The following IGF1 variants were observed in gnomAD, a reference collection of about 807,000 sequenced individuals.
IGF1 encodes insulin like growth factor 1.
In IGF1, 4 loss-of-function variants were observed where a neutral mutation model predicts 13.8. The observed-to-expected ratio is 0.29, with a 90% CI of 0.14 to 0.66. IGF1 has a LOEUF of 0.66. Ranked by LOEUF, IGF1 falls within the 30% of genes least tolerant of loss-of-function variation. IGF1 has a pLI of 0.78. For missense variants in IGF1, 124 were observed against 188.5 expected (o/e 0.66, Z 2.00); for synonymous variants, 76 against 72.6 (o/e 1.05, Z -0.23).
At chr12:102,480,208 C>G (rs1002243539) in intron 1 of IGF1, 111 bp downstream of exon 1, 12 of 1,032,750 alleles carry the variant, frequency 1.2e-5, no homozygotes, top group African/African-American at 9.5e-5. Context: ...AAATAACTCT[C>G]GGTTCCGAAA....
At chr12:102,428,097 A>G (rs1165232214) in intron 2 of IGF1, among the ~76,000 whole-genome samples, 1 of 151,680 alleles carries the variant, frequency 6.6e-6, no homozygotes, top group Non-Finnish European at 1.5e-5. Flanking sequence ...GTGTGGATGC[A>G]CAAGTCACCC....
At chr12:102,436,220 CTG>C (rs1877210520) in intron 2 of IGF1, among the ~76,000 whole-genome samples, 2 of 152,188 alleles carry the variant, frequency 1.3e-5, no homozygotes, top group South Asian at 4.1e-4. Context: ...TTTGCACAGT[CTG>C]TGTCCTTTTG....
intron 3 of IGF1, chr12:102,417,827 T>C (rs1303300041): frequency 1.2e-6 from 2 of 1,613,644 alleles, no homozygotes; most frequent in Admixed American, 1.7e-5. Flanking sequence ...TTCATTTTCC[T>C]TTTTTGCCTC....
chr12:102,407,094 C>A (rs1219035924), intron 3 of IGF1, among the ~76,000 whole-genome samples: 4 of 100,982 alleles, frequency 4.0e-5, no homozygotes, highest in African/African-American at 1.3e-4. Flanking sequence ...ACTCTGTCTC[C>A]AAAAAAAAAA....
chr12:102,461,385 C>T (rs1198994058), intron 2 of IGF1, among the ~76,000 whole-genome samples: 2 of 152,128 alleles, frequency 1.3e-5, no homozygotes, highest in Admixed American at 1.3e-4. Flanking sequence ...TGATAGGTGA[C>T]CAAAATAGAC....
At chr12:102,443,311 G>C (rs1878026243) in intron 2 of IGF1, among the ~76,000 whole-genome samples, 1 of 152,096 alleles carries the variant, frequency 6.6e-6, no homozygotes, top group Non-Finnish European at 1.5e-5. Flanking sequence ...TTCATTAAAA[G>C]ACAACCAAAA....
At chr12:102,403,802 C>T (rs1873894563) in intron 3 of IGF1, among the ~76,000 whole-genome samples, 1 of 151,834 alleles carries the variant, frequency 6.6e-6, no homozygotes, top group South Asian at 2.1e-4. Context: ...GAATAGAAGC[C>T]CTGTGAGACC....
At chr12:102,405,426 G>A (rs1197659066) in intron 3 of IGF1, among the ~76,000 whole-genome samples, 1 of 151,976 alleles carries the variant, frequency 6.6e-6, no homozygotes, top group Admixed American at 6.6e-5. Context: ...AGAAAAATGA[G>A]AGAAGGACAC....
At chr12:102,451,269 GA>G (rs1163081678) in intron 2 of IGF1, among the ~76,000 whole-genome samples, 1 of 152,204 alleles carries the variant, frequency 6.6e-6, no homozygotes, top group Non-Finnish European at 1.5e-5. Context: ...GATCTTCAAG[GA>G]TAAGAGAGTA....
chr12:102,423,272 A>G (rs916012997), intron 2 of IGF1: 8 of 150,210 alleles, frequency 5.3e-5, no homozygotes, highest in African/African-American at 1.7e-4. Flanking sequence ...AAAAAAAAAA[A>G]AAAAAAAAAA....
chr12:102,431,722 G>T (rs1491001219), intron 2 of IGF1, among the ~76,000 whole-genome samples: 1 of 152,146 alleles, frequency 6.6e-6, no homozygotes, highest in Non-Finnish European at 1.5e-5. Flanking sequence ...TAATATCAAT[G>T]AAGAATATGG....
Position 102,401,687 on chromosome 12 carries a change from T to C in IGF1, c.*820A>G, listed in dbSNP as rs1873693155. On this transcript the variant is annotated 3_prime_UTR_variant, in exon 4 of 4. Transcript: ENST00000337514. ...TGCTAAATTTACATAGTGCTCTATATGGAAAAAATAAAAAGAGGAAAGTTA... is the reference window on the plus strand; with the variant it reads ...TGCTAAATTTACATAGTGCTCTATACGGAAAAAATAAAAAGAGGAAAGTTA... The C allele has an allele frequency of 6.6e-6, 1 of 152,640 alleles. No individual in the cohort carries two copies. The highest frequency in any genetic ancestry group is 6.5e-5 in the Admixed American group (1 of 15,280). 9.5% of individuals were successfully genotyped at this position (152,640 alleles called of 1,614,324 possible).
chr12:102,419,418 A>C (rs1592752547), intron 3 of IGF1, 91 bp downstream of exon 3: 3 of 1,267,928 alleles, frequency 2.4e-6, no homozygotes, highest in Non-Finnish European at 3.3e-6. Flanking sequence ...GTAAGCCAGG[A>C]GACTATGGGG....
chr12:102,443,944 C>T lies in IGF1; in HGVS notation c.221-24254G>A, dbSNP rs547816816. On this transcript the variant is annotated intron_variant, in intron 2 of 3. Transcript: ENST00000337514. ...CGGGGTTCAAGTGATTCTCCTGCCT[C>T]AACCTCCTAAATAGCTGAGATTACA... Among the ~76,000 whole-genome samples, 302 of 152,156 alleles carry T rather than the reference C, an allele frequency of 2.0e-3. 4 individuals are homozygous for T. Among genetic ancestry groups the T allele is most frequent in the Admixed American group, 3.9e-3 (59 of 15,294 alleles).
chr12:102,420,291 C>T (rs961311663), intron 2 of IGF1, among the ~76,000 whole-genome samples: 3 of 152,154 alleles, frequency 2.0e-5, no homozygotes, highest in African/African-American at 7.2e-5. Context: ...TGCTGCAAAG[C>T]CCAAGTGCCT....
upstream of IGF1, among the ~76,000 whole-genome samples, chr12:102,480,976 A>T (rs894169535): frequency 4.6e-5 from 7 of 152,194 alleles, no homozygotes; most frequent in African/African-American, 1.7e-4. Flanking sequence ...GAAAGAAAGG[A>T]CGATAAGACC....
intron 2 of IGF1, among the ~76,000 whole-genome samples, chr12:102,429,440 T>C (rs902165812): frequency 9.2e-5 from 14 of 152,188 alleles, no homozygotes; most frequent in Non-Finnish European, 1.8e-4. Flanking sequence ...GCCTGTTTTT[T>C]AGCCATTGCA....
intron 3 of IGF1, among the ~76,000 whole-genome samples, chr12:102,405,225 T>G (rs1874048160): frequency 6.6e-6 from 1 of 151,928 alleles, no homozygotes; most frequent in Admixed American, 6.6e-5. Context: ...TAGCTGGGAT[T>G]ACAGGCACGC....
chr12:102,454,996 A>G (rs1879272483), intron 2 of IGF1, among the ~76,000 whole-genome samples: 1 of 152,154 alleles, frequency 6.6e-6, no homozygotes, highest in Admixed American at 6.5e-5. Context: ...AAGCCTGGAG[A>G]ATCTTGGCTG....
Sources: gnomAD v4.1 joint callset for allele counts (sites outside exome capture counted in the v4.1 genomes callset) on GRCh38, gnomAD v4.1.1 for gene constraint, MANE v1.5 for transcripts, NCBI Gene and HGNC (gene_info 2026-07-23, HGNC 2026-07-21) for gene names.